Variants in SDK1 observed in about 807,000 individuals in gnomAD.
SDK1 encodes the protein sidekick cell adhesion molecule 1.
Under a neutral mutation model 245.5 loss-of-function variants are expected in SDK1, and 157 were observed. The ratio of observed to expected loss-of-function variants is 0.64; its 90% confidence interval spans 0.56 to 0.73. The LOEUF is 0.73. SDK1 is among the 30% of genes least tolerant of loss of function. The probability of loss-of-function intolerance (pLI) is 0.00; values close to 1 mark genes in which losing one functional copy is unlikely to be tolerated. For missense variants in SDK1, 3,583 were observed against 3,002.3 expected (o/e 1.19, Z -4.52); for synonymous variants, 1,647 against 1,278.5 (o/e 1.29, Z -6.15).
chr7:4,221,345 G>C lies in SDK1; in HGVS notation c.5808G>C (p.Val1936=). 2 of 1,610,882 alleles carry C rather than the reference G, an allele frequency of 1.2e-6. No homozygotes were observed. Among genetic ancestry groups the C allele is most frequent in the Non-Finnish European group, 1.7e-6 (2 of 1,178,756 alleles). ...GCGACACACCTACCACGGGCTATGTGATCGAGGCCCGGCCCTCAGGTAGGG... is the reference window on the plus strand; with the variant it reads ...GCGACACACCTACCACGGGCTATGTCATCGAGGCCCGGCCCTCAGGTAGGG... ...HSGDTPTTGY[V]IEARPSDEGL... The change falls in exon 40 of 45, where the codon GTG becomes GTC. Residue 1936 remains valine (V), a synonymous_variant. Coordinates refer to ENST00000404826, the MANE Select transcript of SDK1 (RefSeq NM_152744.4).
At chr7:4,236,236 T>G (rs1402638006) in intron 41 of SDK1, among the ~76,000 whole-genome samples, 1 of 152,170 alleles carries the variant, frequency 6.6e-6, no homozygotes, top group African/African-American at 2.4e-5. Flanking sequence ...TCTGGGGGGC[T>G]TCCAGTGCCA....
At chr7:3,462,409 T>C (rs1780861727) in intron 1 of SDK1, among the ~76,000 whole-genome samples, 2 of 152,208 alleles carry the variant, frequency 1.3e-5, no homozygotes, top group Non-Finnish European at 1.5e-5. Flanking sequence ...TTCCCAAAGC[T>C]AGACCTAGTT....
At chr7:3,421,204 T>C (rs1779525751) in intron 1 of SDK1, among the ~76,000 whole-genome samples, 1 of 151,830 alleles carries the variant, frequency 6.6e-6, no homozygotes, top group African/African-American at 2.4e-5. Flanking sequence ...CCTGAGTAGC[T>C]GGGACTGCAA....
chr7:3,483,057 A>G (rs553001405), intron 1 of SDK1, among the ~76,000 whole-genome samples: 1 of 152,168 alleles, frequency 6.6e-6, no homozygotes, highest in South Asian at 2.1e-4. Context: ...AAATGTTCAA[A>G]TTTTTTCATT....
At chr7:4,045,610 G>A (rs930364712) in intron 17 of SDK1, among the ~76,000 whole-genome samples, 9 of 152,264 alleles carry the variant, frequency 5.9e-5, no homozygotes, top group African/African-American at 9.6e-5. Context: ...CAGGATTACC[G>A]GGTCACGTGG....
chr7:4,206,618 G>A (rs543470237), intron 36 of SDK1, among the ~76,000 whole-genome samples: 3 of 152,186 alleles, frequency 2.0e-5, no homozygotes, highest in South Asian at 4.2e-4. Context: ...AGCGTCGAGT[G>A]AGGAATCATT....
intron 1 of SDK1, among the ~76,000 whole-genome samples, chr7:3,603,356 C>T (rs894985838): frequency 2.0e-5 from 3 of 150,432 alleles, no homozygotes; most frequent in African/African-American, 7.3e-5. Context: ...CTTTTATTTC[C>T]TTGAGCAGTG....
chr7:4,257,897 G>C (rs1251571803), intron 44 of SDK1, among the ~76,000 whole-genome samples: 6 of 150,580 alleles, frequency 4.0e-5, no homozygotes, highest in African/African-American at 1.5e-4. Context: ...CCAGCTATTA[G>C]CCAATCACGG....
intron 5 of SDK1, among the ~76,000 whole-genome samples, chr7:3,908,714 A>G (rs12701272): frequency 0.22 from 33,701 of 152,054 alleles, 3,897 homozygotes; most frequent in Middle Eastern, 0.34. Context: ...AGGGGAAATC[A>G]TCTTCTTTTG....
chr7:4,127,494 A>G lies in SDK1; in HGVS notation c.3937A>G (p.Lys1313Glu). The G allele has an allele frequency of 6.2e-7, 1 of 1,609,256 alleles. No homozygotes were observed. Among genetic ancestry groups the G allele is most frequent in the South Asian group, 1.1e-5 (1 of 90,982 alleles). Residue 1313 changes from lysine (K) to glutamate (E), a missense_variant and splice_region_variant, in exon 26 of 45, where the codon AAG (lysine) becomes GAG (glutamate). Physicochemically the swap from Lys to Glu is moderately conservative, Grantham distance 56. Transcript: ENST00000404826. ...CCAGAATGGGCTCATACTGGGCTAC[A>G]AGGTGTGTGATCACAGGATGACCTC... ...QDQNGLILGY[K>E]ILFRAKDLDP...
intron 1 of SDK1, among the ~76,000 whole-genome samples, chr7:3,454,316 C>A (rs914675193): frequency 2.7e-5 from 4 of 150,790 alleles, no homozygotes; most frequent in Admixed American, 2.0e-4. Context: ...TTTAATGTTA[C>A]GTTTTTTCAG....
intron 1 of SDK1, among the ~76,000 whole-genome samples, chr7:3,529,205 T>C (rs1413557387): frequency 1.3e-5 from 2 of 152,122 alleles, no homozygotes; most frequent in East Asian, 3.9e-4. Flanking sequence ...GGTGATAATA[T>C]AGAGACACAC....
intron 17 of SDK1, among the ~76,000 whole-genome samples, chr7:4,028,416 T>A (rs35018186): frequency 0.14 from 20,540 of 152,142 alleles, 1,471 homozygotes; most frequent in Middle Eastern, 0.15. Context: ...ACATGTGACA[T>A]CACCACGTGT....
chr7:3,855,341 G>A (rs558377419), intron 5 of SDK1, among the ~76,000 whole-genome samples: 1 of 151,984 alleles, frequency 6.6e-6, no homozygotes, highest in Non-Finnish European at 1.5e-5. Context: ...AGGAAATGCT[G>A]AATAGAACAA....
At chr7:3,575,030 G>C (rs1357458466) in intron 1 of SDK1, among the ~76,000 whole-genome samples, 2 of 151,986 alleles carry the variant, frequency 1.3e-5, no homozygotes, top group Non-Finnish European at 2.9e-5. Flanking sequence ...TCCCATTCCT[G>C]TGCAGCCTAA....
chr7:4,121,707 G>A (rs1437237903), intron 25 of SDK1, among the ~76,000 whole-genome samples: 1 of 152,140 alleles, frequency 6.6e-6, no homozygotes, highest in Non-Finnish European at 1.5e-5. Context: ...CTGTTTTTCT[G>A]TTCATAGTTC....
intron 4 of SDK1, among the ~76,000 whole-genome samples, chr7:3,653,875 A>T (rs1442740576): frequency 6.6e-6 from 1 of 152,214 alleles, no homozygotes; most frequent in African/African-American, 2.4e-5. Context: ...CTTATGAAGC[A>T]GAGAGGATGA....
At position 3,526,875 on chromosome 7, in the gene SDK1, A is replaced by C. The variant is rs557285460; in HGVS notation, c.299-92205A>C. ...CCAGATTTAGCTTTATATTATGAAG[A>C]TATTTGTCATTTGGGCAGCTGAGAA... On this transcript the variant is annotated intron_variant, in intron 1 of 44. Coordinates refer to ENST00000404826, the MANE Select transcript of SDK1 (RefSeq NM_152744.4). Among the ~76,000 whole-genome samples the C allele has an allele frequency of 2.4e-3, 369 of 152,242 alleles. 3 individuals carry two copies. The highest frequency in any genetic ancestry group is 0.018 in the South Asian group (87 of 4,820).
At chr7:4,012,992 A>G (rs140255085) in intron 16 of SDK1, among the ~76,000 whole-genome samples, 53 of 152,360 alleles carry the variant, frequency 3.5e-4, no homozygotes, top group African/African-American at 1.2e-3. Context: ...AGTTGTCACC[A>G]TGCTGGTATG....
Sources: allele counts gnomAD v4.1 joint callset (sites outside exome capture counted in the v4.1 genomes callset), GRCh38; gene constraint gnomAD v4.1.1; transcripts MANE v1.5; gene names NCBI Gene and HGNC (gene_info 2026-07-23, HGNC 2026-07-21).